Variants in ERMP1 observed in about 807,000 individuals in gnomAD.
ERMP1 encodes endoplasmic reticulum metallopeptidase 1.
ERMP1 carries 86 observed loss-of-function variants against 92.0 expected under a neutral mutation model. That is an observed-to-expected ratio of 0.93 (90% CI 0.79 to 1.12). ERMP1 has a LOEUF of 1.12. Among genes scored for constraint, ERMP1 ranks in the 50% most tolerant of loss-of-function variants. The pLI, the probability that ERMP1 is intolerant of heterozygous loss-of-function variation, is 0.00. For synonymous variants in ERMP1, 530 were observed against 412.8 expected, an observed-to-expected ratio of 1.28 and a Z score of -3.44; for missense variants, 1,342 against 1,116.3, an observed-to-expected ratio of 1.20 and a Z score of -2.88.
At chr9:5,852,753 G>A (rs1830326045) in intron 6 of ERMP1, among the ~76,000 whole-genome samples, 2 of 151,530 alleles carry the variant, frequency 1.3e-5, no homozygotes, top group Non-Finnish European at 2.9e-5. Context: ...TTAATAAGCT[G>A]CCTCAAACAT....
At chr9:5,863,797 A>T (rs1359501809) in intron 5 of ERMP1, among the ~76,000 whole-genome samples, 2 of 152,242 alleles carry the variant, frequency 1.3e-5, no homozygotes, top group Non-Finnish European at 2.9e-5. Flanking sequence ...TATTATAATT[A>T]ACAAAAATGG....
At chr9:5,818,081 G>C (rs566602487) in intron 4 of ERMP1, among the ~76,000 whole-genome samples, 1 of 151,754 alleles carries the variant, frequency 6.6e-6, no homozygotes, top group Admixed American at 6.6e-5. Flanking sequence ...TGGATCACTT[G>C]AGCCCAGGAG....
chr9:5,791,894 C>T (rs1229829637), intron 13 of ERMP1, among the ~76,000 whole-genome samples: 1 of 152,174 alleles, frequency 6.6e-6, no homozygotes, highest in Non-Finnish European at 1.5e-5. Flanking sequence ...ACATAAACTA[C>T]ATAATCGTGA....
chr9:5,841,426 G>A (rs1157504805), intron 6 of ERMP1, among the ~76,000 whole-genome samples: 1 of 152,220 alleles, frequency 6.6e-6, no homozygotes, highest in East Asian at 1.9e-4. Flanking sequence ...AACACAGGTT[G>A]GTGGTTAGAA....
chr9:5,844,532 C>A, intron 6 of ERMP1, among the ~76,000 whole-genome samples: 1 of 152,174 alleles, frequency 6.6e-6, no homozygotes, highest in African/African-American at 2.4e-5. Flanking sequence ...CCTTGGCCTC[C>A]CAAAGTGCTG....
At chr9:5,806,905 A>G (rs1165304165) in intron 8 of ERMP1, among the ~76,000 whole-genome samples, 3 of 152,330 alleles carry the variant, frequency 2.0e-5, no homozygotes, top group African/African-American at 7.2e-5. Context: ...TGTTTTCAAA[A>G]CAAGTTACAG....
intron 13 of ERMP1, among the ~76,000 whole-genome samples, chr9:5,790,404 T>A (rs776542923): frequency 2.7e-5 from 4 of 150,188 alleles, no homozygotes; most frequent in Non-Finnish European, 4.4e-5. Flanking sequence ...ACACATGTAA[T>A]TATAAAATAC....
chr9:5,828,345 T>G (rs1247095628), intron 2 of ERMP1, among the ~76,000 whole-genome samples: 2 of 152,222 alleles, frequency 1.3e-5, no homozygotes, highest in East Asian at 3.8e-4. Flanking sequence ...AAAAGCTCTC[T>G]GCCCTCCCCT....
intron 11 of ERMP1, among the ~76,000 whole-genome samples, chr9:5,800,545 G>A (rs1236127794): frequency 1.2e-4 from 19 of 152,038 alleles, no homozygotes; most frequent in Admixed American, 5.2e-4. Context: ...GCGTGGTGGC[G>A]AGCGCCTGTA....
chr9:5,846,399 G>C (rs1487942153), intron 6 of ERMP1, among the ~76,000 whole-genome samples: 1 of 152,142 alleles, frequency 6.6e-6, no homozygotes, highest in African/African-American at 2.4e-5. Context: ...ATCCCTCTGA[G>C]GCTGTTTCCT....
In ERMP1 at chr9:5,810,113, G is replaced by C. The variant is rs1829034033; in HGVS notation, c.1446C>G (p.Leu482=). The C allele has an allele frequency of 1.2e-6, 2 of 1,613,810 alleles. No homozygotes were observed. The highest frequency in any genetic ancestry group is 1.7e-6 in the Non-Finnish European group (2 of 1,179,702). ...AVFISLIGQS[L]SWYNHFYVSV... ...AGACATAGAAGTGGTTATACCATGA[G>C]AGAGACTGTCCAATAAGAGAGATGA... is the stretch of plus-strand genomic sequence containing the variant. Residue 482 remains leucine (L), a synonymous_variant, in exon 8 of 15, where the codon CTC becomes CTG. Coordinates refer to ENST00000339450, the MANE Select transcript of ERMP1 (RefSeq NM_024896.3).
chr9:5,833,083 C>CCGCCGA lies in ERMP1; in HGVS notation c.-62_-57dup. ...CCCCAACCCGCGACAGCCCCGGCCG[C>CCGCCGA]CGCCGACGCCGCCGTCGCTGCCGCA... On this transcript the variant is annotated 5_prime_UTR_variant, in exon 1 of 15. Transcript: ENST00000339450. 2.2e-6 allele frequency: 3 copies of CCGCCGA among 1,354,064 alleles called. No individual in the cohort carries two copies. Among genetic ancestry groups the CCGCCGA allele is most frequent in the Non-Finnish European group, 1.9e-6 (2 of 1,048,504 alleles). The allele number at this position is 1,354,064 out of a possible 1,614,324, so 83.9% of individuals were successfully genotyped here. A position where few individuals can be genotyped will look rare whatever the true frequency, so the allele number is the denominator to read the frequency against.
At position 5,803,271 on chromosome 9, in the gene ERMP1, C is replaced by T. The variant is rs555605027; in HGVS notation, c.1914+1756G>A. Among the ~76,000 whole-genome samples the T allele has an allele frequency of 3.9e-5, 6 of 152,264 alleles. No homozygotes were observed. In the East Asian group the frequency reaches 7.7e-4, roughly 20 times the overall value. The stretch of plus-strand genomic sequence containing the variant: ...TAATTAAAAGAGTGATAACTCATGG[C>T]ATCAAAGTGCGGCAGGGCTATTTCA... On this transcript the variant is annotated intron_variant, in intron 10 of 14. Transcript: ENST00000339450.
intron 13 of ERMP1, among the ~76,000 whole-genome samples, chr9:5,789,793 A>G (rs566277666): frequency 1.9e-4 from 28 of 149,712 alleles, no homozygotes; most frequent in African/African-American, 6.4e-4. Flanking sequence ...GAGCAATCCT[A>G]TTGCCTCAGC....
In ERMP1 at chr9:5,786,329, G is replaced by C. The variant is rs2131190395; in HGVS notation, c.*815C>G. ...TCAGTGCTCTGAGGAAGGAAGTTAA[G>C]GTCATGTACTGGCACAAACAATATT... On this transcript the variant is annotated 3_prime_UTR_variant, in exon 15 of 15. Coordinates refer to ENST00000339450, the MANE Select transcript of ERMP1 (RefSeq NM_024896.3). 6.6e-6 allele frequency: 1 copy of C among 152,318 alleles called. No individual in the cohort carries two copies. The highest frequency in any genetic ancestry group is 1.9e-4 in the East Asian group (1 of 5,188). The allele number at this position is 152,318 out of a possible 1,614,324, so 9.4% of individuals were successfully genotyped here.
rs199525036 is a variant in ERMP1, at chr9:5,823,956, G to A, written c.814C>T (p.Arg272Cys). The change falls in exon 4 of 15, where the codon CGT (arginine) becomes TGT (cysteine). Residue 272 changes from arginine (R) to cysteine (C), a missense_variant. Physicochemically the swap from Arg to Cys is radical, Grantham distance 180. Coordinates refer to ENST00000339450, the MANE Select transcript of ERMP1 (RefSeq NM_024896.3). ...GCTGCCTCTAGGTTAATGAATGCAC[G>A]AATCAAGCTAGCCCAGGGGTGCTGA... The part of the protein sequence containing the change: ...ITQHPWASLI[R>C]AFINLEAAGV... 15 of 1,614,102 alleles carry A rather than the reference G, an allele frequency of 9.3e-6. No individual in the cohort carries two copies. Among genetic ancestry groups the A allele is most frequent in the African/African-American group, 2.7e-5 (2 of 75,036 alleles).
chr9:5,825,240 T>C lies in ERMP1; in HGVS notation c.641-21A>G, dbSNP rs774521683. The C allele has an allele frequency of 7.5e-6, 12 of 1,602,572 alleles. No homozygotes were observed. In the South Asian group the frequency reaches 1.2e-4, roughly 17 times the overall value. Reference sequence around the variant, plus strand: ...GGCACCTTCAAATCAGAAAAACAAATTTGCTGCTCAGATTTTAAAATGTTT... The same window carrying C: ...GGCACCTTCAAATCAGAAAAACAAACTTGCTGCTCAGATTTTAAAATGTTT... On this transcript the variant is annotated intron_variant, in intron 2 of 14. Transcript: ENST00000339450.
At chr9:5,859,684 A>G (rs1193125787) in intron 5 of ERMP1, among the ~76,000 whole-genome samples, 2 of 152,196 alleles carry the variant, frequency 1.3e-5, no homozygotes, top group Non-Finnish European at 2.9e-5. Flanking sequence ...ACCCATAACT[A>G]TTTCAAAGCC....
chr9:5,855,975 G>T, intron 6 of ERMP1: 1 of 289,988 alleles, frequency 3.4e-6, no homozygotes. Context: ...TCTTCCTGCT[G>T]GACTAATGGT....
Sources: gnomAD v4.1 joint callset for allele counts (sites outside exome capture counted in the v4.1 genomes callset) on GRCh38, gnomAD v4.1.1 for gene constraint, MANE v1.5 for transcripts, NCBI Gene and HGNC (gene_info 2026-07-23, HGNC 2026-07-21) for gene names.